Variants in ARL1 observed in about 807,000 individuals in gnomAD.
ARL1 encodes the protein ADP-ribosylation factor-like protein 1.
In ARL1, 17 loss-of-function variants were observed where a neutral mutation model predicts 30.1. The observed-to-expected ratio is 0.56, with a 90% CI of 0.39 to 0.85. The LOEUF (loss-of-function observed/expected upper bound fraction) is 0.85. Ranked by LOEUF, ARL1 falls within the 40% of genes least tolerant of loss-of-function variation. The probability of loss-of-function intolerance (pLI) is 0.00; values close to 1 mark genes in which losing one functional copy is unlikely to be tolerated. For synonymous variants in ARL1, 58 were observed against 71.7 expected, an observed-to-expected ratio of 0.81 and a Z score of 0.97; for missense variants, 102 against 212.6, an observed-to-expected ratio of 0.48 and a Z score of 3.24.
Position 101,395,563 on chromosome 12 carries a change from G to A in ARL1, c.*77C>T, listed in dbSNP as rs1871127561. The A allele has an allele frequency of 8.6e-7, 1 of 1,167,248 alleles. No individual in the cohort carries two copies. The highest frequency in any genetic ancestry group is 1.3e-6 in the Non-Finnish European group (1 of 799,814). 72.3% of individuals were successfully genotyped at this position (1,167,248 alleles called of 1,614,324 possible). ...AATCATATAGTTTTAACATCTAGTA[G>A]TGTGAAGTACACTTGACTGTTTCCA... On this transcript the variant is annotated 3_prime_UTR_variant, in exon 6 of 6. Coordinates refer to ENST00000261636, the MANE Select transcript of ARL1 (RefSeq NM_001177.6).
chr12:101,396,407 T>C lies in ARL1; in HGVS notation c.507A>G (p.Ala169=), dbSNP rs372718102. 2.0e-5 allele frequency: 33 copies of C among 1,613,894 alleles called. No homozygotes were observed. The highest frequency in any genetic ancestry group is 2.8e-5 in the Non-Finnish European group (33 of 1,179,906). The change falls in exon 5 of 6, where the codon GCA becomes GCG. Residue 169 remains alanine (A), a synonymous_variant. Coordinates refer to ENST00000261636, the MANE Select transcript of ARL1 (RefSeq NM_001177.6). ...GGAAGCATGATACTTGCCATTCCAT[T>C]GCCTCATCAAGGCCGGTGCCTTTGG... ...SATKGTGLDE[A]MEWLVETLKS...
chr12:101,402,928 T>C lies in ARL1; in HGVS notation c.161A>G (p.Glu54Gly). The change falls in exon 3 of 6, where the codon GAG (glutamate) becomes GGG (glycine). Residue 54 changes from glutamate to glycine, a missense_variant. Glu to Gly is a moderately conservative substitution (Grantham distance 98, BLOSUM62 -2). Transcript: ENST00000261636. ...TTTAAGGTTTTTGTACGTCACCGTC[T>C]CTACATTAAATCCAATGGCTGGAAG... ...TTIPTIGFNV[E>G]TVTYKNLKFQ... is the part of the protein sequence containing the mutation. 6.2e-7 allele frequency: 1 copy of C among 1,612,836 alleles called. No homozygotes were observed. The highest frequency in any genetic ancestry group is 8.5e-7 in the Non-Finnish European group (1 of 1,179,142).
chr12:101,396,277 T>G, intron 5 of ARL1, 122 bp downstream of exon 5: 23 of 1,292,238 alleles, frequency 1.8e-5, no homozygotes, highest in Non-Finnish European at 2.5e-5. Context: ...GAGGAACTTA[T>G]GAAATAAGCT....
intron 4 of ARL1, among the ~76,000 whole-genome samples, chr12:101,398,745 A>G (rs909576424): frequency 2.6e-5 from 4 of 152,236 alleles, no homozygotes; most frequent in Non-Finnish European, 5.9e-5. Flanking sequence ...GCCTGTGTCT[A>G]TATGTTTTAA....
Position 101,395,627 on chromosome 12 carries a change from A to G in ARL1, c.*13T>C. The G allele has an allele frequency of 1.9e-6, 3 of 1,578,166 alleles. No individual in the cohort carries two copies. The highest frequency in any genetic ancestry group is 2.6e-6 in the Non-Finnish European group (3 of 1,157,874). On this transcript the variant is annotated 3_prime_UTR_variant, in exon 6 of 6. Transcript: ENST00000261636. Reference sequence around the variant, plus strand: ...GATGTAGTCTTCATTTCAGGGGAGAAGAATGGACTGAATTACTGTCTGCTT... The same window carrying G: ...GATGTAGTCTTCATTTCAGGGGAGAGGAATGGACTGAATTACTGTCTGCTT...
chr12:101,403,985 C>T (rs1871372539), intron 2 of ARL1, among the ~76,000 whole-genome samples: 1 of 151,864 alleles, frequency 6.6e-6, no homozygotes, highest in African/African-American at 2.4e-5. Context: ...TAAAAAATAA[C>T]TTCCAGGTAT....
Position 101,395,675 on chromosome 12 carries a change from A to G in ARL1, c.516-5T>C. The G allele has an allele frequency of 6.4e-7, 1 of 1,553,866 alleles. No individual in the cohort carries two copies. The highest frequency in any genetic ancestry group is 8.8e-7 in the Non-Finnish European group (1 of 1,142,504). Reference sequence around the variant, plus strand: ...CTTTTTAATGTTTCAACTAACCTGTAAAGAGAAAATGAACTGTTTTATAAA... The same window carrying G: ...CTTTTTAATGTTTCAACTAACCTGTGAAGAGAAAATGAACTGTTTTATAAA... On this transcript the variant is annotated splice_polypyrimidine_tract_variant and splice_region_variant and intron_variant, in intron 5 of 5. Transcript: ENST00000261636.
At chr12:101,403,320 A>G in intron 2 of ARL1, 1 of 405,524 alleles carries the variant, frequency 2.5e-6, no homozygotes. Flanking sequence ...AAGAAATAAA[A>G]AGGAAAACAT....
chr12:101,395,737 A>T, intron 5 of ARL1, 67 bp from the exon 6 acceptor site: 1 of 1,198,932 alleles, frequency 8.3e-7, no homozygotes, highest in Admixed American at 2.0e-5. Flanking sequence ...CATCTATAAT[A>T]AACTTTGTAT....
intron 2 of ARL1, among the ~76,000 whole-genome samples, chr12:101,404,153 TTAGG>T (rs1871377615): frequency 2.6e-5 from 4 of 152,272 alleles, no homozygotes; most frequent in African/African-American, 7.2e-5. Flanking sequence ...TCCCTTAGAA[TTAGG>T]TAGGAGTGTA....
chr12:101,397,369 A>AG (rs772052807), intron 4 of ARL1, among the ~76,000 whole-genome samples: 4 of 152,254 alleles, frequency 2.6e-5, no homozygotes, highest in Admixed American at 6.5e-5. Flanking sequence ...TGAGCAACAC[A>AG]GGGGTCTCTA....
At chr12:101,398,166 G>A (rs1165391281) in intron 4 of ARL1, among the ~76,000 whole-genome samples, 1 of 151,978 alleles carries the variant, frequency 6.6e-6, no homozygotes, top group Non-Finnish European at 1.5e-5. Flanking sequence ...GGGAGGCTGA[G>A]GTGGGTGGAT....
intron 4 of ARL1, among the ~76,000 whole-genome samples, chr12:101,399,681 T>C (rs1333231289): frequency 6.6e-6 from 1 of 152,218 alleles, no homozygotes; most frequent in East Asian, 1.9e-4. Flanking sequence ...TCCATCTAAT[T>C]TTCCAGAGCA....
intron 1 of ARL1, 135 bp downstream of exon 1, chr12:101,407,507 C>T: frequency 8.4e-7 from 1 of 1,188,846 alleles, no homozygotes; most frequent in Non-Finnish European, 1.2e-6. Context: ...CAAAGTGAGT[C>T]AAGTCCTCCG....
intron 5 of ARL1, among the ~76,000 whole-genome samples, 156 bp from the exon 6 acceptor site, chr12:101,395,826 T>G (rs1408274111): frequency 2.0e-5 from 3 of 152,220 alleles, no homozygotes; most frequent in Non-Finnish European, 2.9e-5. Flanking sequence ...ATAAGGTTCC[T>G]CTAAGCTTTG....
In ARL1 at chr12:101,396,493, T is replaced by C. The variant is rs751810522; in HGVS notation, c.421A>G (p.Asn141Asp). The C allele has an allele frequency of 6.8e-6, 11 of 1,613,896 alleles. No individual in the cohort carries two copies. Among genetic ancestry groups the C allele is most frequent in the Middle Eastern group, 1.6e-4 (1 of 6,084 alleles). The change falls in exon 5 of 6, where the codon AAT becomes GAT. Residue 141 changes from asparagine to aspartate, a missense_variant. Asn to Asp is a conservative substitution (Grantham distance 23). Coordinates refer to ENST00000261636, the MANE Select transcript of ARL1 (RefSeq NM_001177.6). ...EQAMTSSEMANSLGLPALKDR... is the reference protein window; with the variant it reads ...EQAMTSSEMADSLGLPALKDR... ...TTCAAGGCAGGTAACCCAAGTGAAT[T>C]TGCCATCTCTGAGGAAGTCATGGCC...
chr12:101,403,370 C>G (rs148599098), intron 2 of ARL1: 1 of 314,442 alleles, frequency 3.2e-6, no homozygotes, highest in African/African-American at 2.2e-5. Flanking sequence ...ATTAAACTCC[C>G]CTCATAATAG....
At chr12:101,398,598 C>T (rs1022746169) in intron 4 of ARL1, among the ~76,000 whole-genome samples, 9 of 151,380 alleles carry the variant, frequency 5.9e-5, no homozygotes, top group African/African-American at 1.9e-4. Flanking sequence ...TACAGGCGTG[C>T]GCTACTACAC....
At chr12:101,407,547 T>G in intron 1 of ARL1, 95 bp downstream of exon 1, 5 of 1,551,594 alleles carry the variant, frequency 3.2e-6, no homozygotes, top group Non-Finnish European at 4.4e-6. Flanking sequence ...CTGGCTACTC[T>G]AGGGTATCCT....
Sources: allele counts gnomAD v4.1 joint callset (sites outside exome capture counted in the v4.1 genomes callset), GRCh38; gene constraint gnomAD v4.1.1; transcripts MANE v1.5; gene names NCBI Gene and HGNC (gene_info 2026-07-23, HGNC 2026-07-21).